The following DNAAF1 variants were observed in gnomAD, a reference collection of about 807,000 sequenced individuals.
The protein encoded by DNAAF1 is dynein axonemal assembly factor 1.
Under a neutral mutation model 71.1 loss-of-function variants are expected in DNAAF1, and 65 were observed. That is an observed-to-expected ratio of 0.91 (90% CI 0.75 to 1.12). The LOEUF is 1.12. Among genes scored for constraint, DNAAF1 ranks in the 50% most tolerant of loss-of-function variants. The probability of loss-of-function intolerance (pLI) is 0.00; values close to 1 mark genes in which losing one functional copy is unlikely to be tolerated. For missense variants in DNAAF1, 1,178 were observed against 899.8 expected (o/e 1.31, Z -3.96); for synonymous variants, 414 against 354.6 (o/e 1.17, Z -1.88).
intron 3 of DNAAF1, among the ~76,000 whole-genome samples, chr16:84,151,794 C>T (rs557667621): frequency 6.6e-5 from 10 of 152,180 alleles, no homozygotes; most frequent in African/African-American, 1.7e-4. Context: ...CACTTCCAGG[C>T]TCTAGGCCTC....
At chr16:84,152,616 C>G (rs1212257417) in intron 3 of DNAAF1, among the ~76,000 whole-genome samples, 1 of 147,172 alleles carries the variant, frequency 6.8e-6, no homozygotes, top group African/African-American at 2.5e-5. Context: ...CTACCGCGCT[C>G]CAGCCTAGGC....
chr16:84,147,168 C>T (rs2086955713), intron 1 of DNAAF1, among the ~76,000 whole-genome samples: 2 of 152,120 alleles, frequency 1.3e-5, no homozygotes, highest in Non-Finnish European at 2.9e-5. Flanking sequence ...ATATAGTGGG[C>T]CATTATTAAA....
At chr16:84,168,274 C>A (rs1331803050) in intron 7 of DNAAF1, among the ~76,000 whole-genome samples, 1 of 152,194 alleles carries the variant, frequency 6.6e-6, no homozygotes. Flanking sequence ...GACGCTCCTG[C>A]CTCCCTATTC....
At chr16:84,146,664 C>A (rs2086927381) in intron 1 of DNAAF1, among the ~76,000 whole-genome samples, 1 of 151,806 alleles carries the variant, frequency 6.6e-6, no homozygotes, top group African/African-American at 2.4e-5. Context: ...TTGCAGTGAG[C>A]CAAGGGGGAG....
intron 7 of DNAAF1, 41 bp from the exon 8 acceptor site, chr16:84,169,818 C>G (rs765095401): frequency 6.2e-7 from 1 of 1,612,188 alleles, no homozygotes; most frequent in Non-Finnish European, 8.5e-7. Flanking sequence ...CTTGTCCTCC[C>G]AGGACACTCC....
At chr16:84,155,323 G>A (rs2087375494) in intron 4 of DNAAF1, among the ~76,000 whole-genome samples, 1 of 152,120 alleles carries the variant, frequency 6.6e-6, no homozygotes, top group Non-Finnish European at 1.5e-5. Flanking sequence ...TGACCTCCTG[G>A]TCTCAAGCGA....
chr16:84,150,929 C>A (rs184067250), intron 3 of DNAAF1, among the ~76,000 whole-genome samples: 22 of 152,220 alleles, frequency 1.4e-4, no homozygotes, highest in African/African-American at 4.8e-4. Context: ...TTTAATTTTT[C>A]ATACCAGAAA....
chr16:84,154,920 T>G, intron 4 of DNAAF1, 122 bp downstream of exon 4: 1 of 912,618 alleles, frequency 1.1e-6, no homozygotes, highest in Non-Finnish European at 1.7e-6. Context: ...TTTTTTTGTT[T>G]TTTTTTGAGA....
intron 10 of DNAAF1, chr16:84,174,991 G>C: frequency 2.4e-6 from 1 of 419,686 alleles, no homozygotes; most frequent in Non-Finnish European, 4.5e-6. Flanking sequence ...AAGTAGCTGG[G>C]ATTACAGGCA....
At position 84,145,459 on chromosome 16, in the gene DNAAF1, G is replaced by C. The variant is rs1379143699; in HGVS notation, c.19G>C (p.Glu7Gln). The change falls in exon 1 of 12, where the codon GAG becomes CAG. Residue 7 changes from glutamate to glutamine, a missense_variant. Glu to Gln is a conservative substitution (Grantham distance 29). Coordinates refer to ENST00000378553, the MANE Select transcript of DNAAF1 (RefSeq NM_178452.6). Reference protein sequence around the residue: MHPEPSEPATGGAAELD... With the variant: MHPEPSQPATGGAAELD... ...AGTAAACATGCACCCTGAGCCCTCG[G>C]AGCCTGCGACAGGTGGTGCAGCAGA... is the stretch of plus-strand genomic sequence containing the variant. 4 of 1,579,966 alleles carry C rather than the reference G, an allele frequency of 2.5e-6. No individual in the cohort carries two copies. The highest frequency in any genetic ancestry group is 2.3e-5 in the East Asian group (1 of 43,686).
intron 3 of DNAAF1, among the ~76,000 whole-genome samples, chr16:84,150,970 G>T (rs1274101308): frequency 6.6e-6 from 1 of 152,130 alleles, no homozygotes; most frequent in Admixed American, 6.6e-5. Context: ...GGGTTGGGAG[G>T]TATATGTTGG....
intron 1 of DNAAF1, 70 bp downstream of exon 1, chr16:84,145,634 C>T: frequency 6.6e-7 from 1 of 1,514,816 alleles, no homozygotes; most frequent in Non-Finnish European, 8.9e-7. Flanking sequence ...GCCCCCTTCC[C>T]ACACCACATA....
intron 2 of DNAAF1, 96 bp downstream of exon 2, chr16:84,149,238 G>T (rs1309761856): frequency 1.3e-6 from 2 of 1,495,962 alleles, no homozygotes; most frequent in Non-Finnish European, 1.9e-6. Flanking sequence ...GGCTGGTAGA[G>T]ATTGAATTGC....
At position 84,154,736 on chromosome 16, in the gene DNAAF1, C is replaced by T. The variant is rs1281326206; in HGVS notation, c.512C>T (p.Pro171Leu). 4.3e-6 allele frequency: 7 copies of T among 1,614,012 alleles called. No homozygotes were observed. Among genetic ancestry groups the T allele is most frequent in the South Asian group, 1.1e-5 (1 of 91,080 alleles). ...CTCCGTAAAATTGAGAACCTGGAAC[C>T]TCTGCAGAAACTGGATGCTCTTAAC... is the stretch of plus-strand genomic sequence containing the variant. ...NLLRKIENLE[P>L]LQKLDALNLS... is the part of the protein sequence containing the mutation. Residue 171 changes from proline to leucine, a missense_variant, in exon 4 of 12, where the codon CCT becomes CTT. Physicochemically the swap from Pro to Leu is moderately conservative, Grantham distance 98. Transcript: ENST00000378553.
Position 84,176,116 on chromosome 16 carries a change from G to C in DNAAF1, c.1882G>C (p.Glu628Gln). The C allele has an allele frequency of 1.2e-6, 2 of 1,613,950 alleles. No individual in the cohort carries two copies. The highest frequency in any genetic ancestry group is 1.7e-6 in the Non-Finnish European group (2 of 1,179,952). ...RVPFTDIFKK[E>Q]AKRDLEIRKQ... ...GCCCTTCACAGACATCTTTAAAAAA[G>C]AAGCTAAGAGGGACTTGGAAATCCG... The change falls in exon 11 of 12, where the codon GAA becomes CAA. Residue 628 changes from glutamate (E) to glutamine (Q), a missense_variant. Glu to Gln is a conservative substitution (Grantham distance 29). Coordinates refer to ENST00000378553, the MANE Select transcript of DNAAF1 (RefSeq NM_178452.6).
Position 84,149,105 on chromosome 16 carries a change from G to C in DNAAF1, c.223G>C (p.Ala75Pro), listed in dbSNP as rs200440212. 4.3e-6 allele frequency: 7 copies of C among 1,613,890 alleles called. No homozygotes were observed. Among genetic ancestry groups the C allele is most frequent in the Middle Eastern group, 1.6e-4 (1 of 6,084 alleles). The change falls in exon 2 of 12, where the codon GCA becomes CCA. Residue 75 changes from alanine (A) to proline (P), a missense_variant. Physicochemically the swap from Ala to Pro is conservative, Grantham distance 27. Coordinates refer to ENST00000378553, the MANE Select transcript of DNAAF1 (RefSeq NM_178452.6). Reference sequence around the variant, plus strand: ...TGATAATGGGTCAGGTGGTCACTTCGCACACCCAAGAGAAGACAGGGAAGA... The same window carrying C: ...TGATAATGGGTCAGGTGGTCACTTCCCACACCCAAGAGAAGACAGGGAAGA... ...SGDNGSGGHF[A>P]HPREDREDRG...
Position 84,167,179 on chromosome 16 carries a change from T to A in DNAAF1, c.1030+1230T>A, listed in dbSNP as rs572798376. Reference sequence around the variant, plus strand: ...AGAACTCCAGAGAACACTTATATTTTCTGGGTTATTATATTAATAAAGGAT... The same window carrying A: ...AGAACTCCAGAGAACACTTATATTTACTGGGTTATTATATTAATAAAGGAT... On this transcript the variant is annotated intron_variant, in intron 7 of 11. Transcript: ENST00000378553. Among the ~76,000 whole-genome samples, 3 of 152,256 alleles carry A rather than the reference T, an allele frequency of 2.0e-5. No homozygotes were observed. The East Asian group carries it at 5.8e-4, about 29-fold the overall frequency.
intron 6 of DNAAF1, among the ~76,000 whole-genome samples, chr16:84,161,187 T>C (rs1193329154): frequency 1.3e-5 from 2 of 152,152 alleles, no homozygotes; most frequent in African/African-American, 4.8e-5. Flanking sequence ...ACAGGGTCCC[T>C]GTGAGCGCCT....
chr16:84,150,049 A>G (rs894987625), intron 2 of DNAAF1, among the ~76,000 whole-genome samples: 1 of 152,064 alleles, frequency 6.6e-6, no homozygotes, highest in Non-Finnish European at 1.5e-5. Flanking sequence ...TGAAAATAAT[A>G]TTCGATGAGG....
Sources: allele counts gnomAD v4.1 joint callset (sites outside exome capture counted in the v4.1 genomes callset), GRCh38; gene constraint gnomAD v4.1.1; transcripts MANE v1.5; gene names NCBI Gene and HGNC (gene_info 2026-07-23, HGNC 2026-07-21).